PLCH1: variants seen among roughly 807,000 people sequenced by gnomAD.
PLCH1 encodes the protein phospholipase C eta 1, also known as 1-phosphatidylinositol 4,5-bisphosphate phosphodiesterase eta-1.
A neutral mutation model predicts 126.7 loss-of-function variants in PLCH1; 60 were observed. That is an observed-to-expected ratio of 0.47 (90% CI 0.38 to 0.59). The LOEUF (loss-of-function observed/expected upper bound fraction) is 0.59, where lower values mean the gene tolerates loss of function less well. Ranked by LOEUF, PLCH1 falls within the 20% of genes least tolerant of loss-of-function variation. PLCH1 has a pLI of 0.00. For missense variants in PLCH1, 1,723 were observed against 2,040.0 expected (o/e 0.84, Z 2.99); for synonymous variants, 719 against 734.9 (o/e 0.98, Z 0.35).
chr3:155,513,370 C>G (rs1384169199), intron 12 of PLCH1, among the ~76,000 whole-genome samples: 1 of 152,224 alleles, frequency 6.6e-6, no homozygotes. Flanking sequence ...ATTAGGATCT[C>G]TTCAGTGAAA....
intron 6 of PLCH1, 54 bp downstream of exon 6, chr3:155,583,418 A>G (rs1730957823): frequency 2.9e-6 from 4 of 1,380,628 alleles, no homozygotes; most frequent in African/African-American, 1.5e-5. Flanking sequence ...AAAGAAAGAC[A>G]TATCTTTCAT....
In PLCH1 at chr3:155,497,321, G is replaced by C. The variant is rs539311989; in HGVS notation, c.1893C>G (p.Asp631Glu). The C allele has an allele frequency of 1.3e-6, 2 of 1,589,418 alleles. No homozygotes were observed. Among genetic ancestry groups the C allele is most frequent in the South Asian group, 1.1e-5 (1 of 90,468 alleles). ...AATGAGAAAACTCTCCATCCTTACC[G>C]TCATCCACAATGTCCTGAGCGGCCA... ...NSVAAQDIVD[D>E]GTTGNVLSFS... Residue 631 changes from aspartate (D) to glutamate (E), a missense_variant and splice_region_variant, in exon 15 of 23, where the codon GAC becomes GAG. Asp to Glu is a conservative substitution (Grantham distance 45). Transcript: ENST00000460012.
intron 12 of PLCH1, 117 bp downstream of exon 12, chr3:155,514,606 G>T: frequency 1.5e-6 from 1 of 646,822 alleles, no homozygotes; most frequent in Non-Finnish European, 2.4e-6. Context: ...CATTTCTCAA[G>T]CAAAATGAGG....
In PLCH1 at chr3:155,563,759, C is replaced by T. The variant is rs543911705; in HGVS notation, c.1069+1156G>A. On this transcript the variant is annotated intron_variant, in intron 8 of 22. Coordinates refer to ENST00000460012, the MANE Select transcript of PLCH1 (RefSeq NM_014996.4). The stretch of plus-strand genomic sequence containing the variant: ...TTCACTGGCCCCTCATTACCAAAAA[C>T]TAAAATGAAATTCCTCACCATAGCA... Among the ~76,000 whole-genome samples the T allele has an allele frequency of 5.3e-5, 8 of 152,206 alleles. No individual in the cohort carries two copies. The South Asian group carries it at 1.7e-3, about 32-fold the overall frequency.
chr3:155,577,372 T>C (rs1730116107), intron 6 of PLCH1, among the ~76,000 whole-genome samples: 1 of 152,178 alleles, frequency 6.6e-6, no homozygotes, highest in Admixed American at 6.6e-5. Context: ...GTTTTACTCA[T>C]TTTTCCATTG....
chr3:155,491,773 T>C (rs186074618), intron 18 of PLCH1, among the ~76,000 whole-genome samples: 140 of 152,200 alleles, frequency 9.2e-4, no homozygotes, highest in African/African-American at 3.2e-3. Context: ...ACTGGGAAGG[T>C]GGACAGGAGC....
At position 155,480,907 on chromosome 3, in the gene PLCH1, C is replaced by G; in HGVS notation, c.*61G>C. 1 of 1,356,982 alleles carries G rather than the reference C, an allele frequency of 7.4e-7. No homozygotes were observed. Among genetic ancestry groups the G allele is most frequent in the Non-Finnish European group, 1.0e-6 (1 of 999,634 alleles). 84.1% of individuals were successfully genotyped at this position (1,356,982 alleles called of 1,614,324 possible). On this transcript the variant is annotated 3_prime_UTR_variant, in exon 23 of 23. Transcript: ENST00000460012. The stretch of plus-strand genomic sequence containing the variant: ...ATTCCAAAGCCAAGGAACTTATTTA[C>G]TGAAAACTCTGACATTCTACAGAAT...
At chr3:155,487,583 G>T (rs925412629) in intron 21 of PLCH1, among the ~76,000 whole-genome samples, 22 of 152,142 alleles carry the variant, frequency 1.4e-4, no homozygotes, top group Non-Finnish European at 2.5e-4. Context: ...TAAAAACATT[G>T]GTACCAAATG....
intron 19 of PLCH1, among the ~76,000 whole-genome samples, 173 bp from the exon 20 acceptor site, chr3:155,488,979 C>G (rs917045795): frequency 6.6e-6 from 1 of 152,158 alleles, no homozygotes; most frequent in Non-Finnish European, 1.5e-5. Context: ...TCGAAATTTA[C>G]CCCCTTGCTA....
At chr3:155,469,333 A>G (rs1393031764) in intron 21 of PLCH1, among the ~76,000 whole-genome samples, 1 of 152,202 alleles carries the variant, frequency 6.6e-6, no homozygotes, top group Non-Finnish European at 1.5e-5. Context: ...CTGGAAAATC[A>G]GGTCACTCCC....
At chr3:155,477,480 A>G (rs1385861313), downstream of PLCH1, among the ~76,000 whole-genome samples, 1 of 152,020 alleles carries the variant, frequency 6.6e-6, no homozygotes, top group African/African-American at 2.4e-5. Context: ...GGGAGAAAAT[A>G]TTTGCAAATG....
At chr3:155,468,972 C>T (rs577804876) in intron 21 of PLCH1, among the ~76,000 whole-genome samples, 1 of 152,314 alleles carries the variant, frequency 6.6e-6, no homozygotes, top group East Asian at 1.9e-4. Context: ...AATCCACATT[C>T]TTTTCCTTAG....
chr3:155,743,527 G>T (rs1357334443), intron 1 of PLCH1: 1 of 450,684 alleles, frequency 2.2e-6, no homozygotes, highest in Admixed American at 2.4e-5. Context: ...GCCAGACTCC[G>T]TCTCAAAAAA....
intron 1 of PLCH1, among the ~76,000 whole-genome samples, chr3:155,736,578 C>T (rs1749190532): frequency 6.6e-6 from 1 of 152,176 alleles, no homozygotes; most frequent in South Asian, 2.1e-4. Context: ...GTCTGATTCC[C>T]ACCGGTCCCC....
chr3:155,578,396 C>A (rs1730243335), intron 6 of PLCH1, among the ~76,000 whole-genome samples: 2 of 152,134 alleles, frequency 1.3e-5, no homozygotes, highest in African/African-American at 4.8e-5. Flanking sequence ...TCTGTTATTT[C>A]TAAAACATAT....
At chr3:155,561,657 G>A (rs2108499387) in intron 8 of PLCH1, among the ~76,000 whole-genome samples, 1 of 152,172 alleles carries the variant, frequency 6.6e-6, no homozygotes, top group African/African-American at 2.4e-5. Context: ...CCAGTAATGG[G>A]ATGGCTGGGT....
chr3:155,685,991 T>C lies in PLCH1; in HGVS notation c.79+18155A>G, dbSNP rs538071940. On this transcript the variant is annotated intron_variant, in intron 2 of 22. Coordinates refer to ENST00000460012, the MANE Select transcript of PLCH1 (RefSeq NM_014996.4). ...TGTAGAGACCAGTTGAAAAAACATC[T>C]TTCAGAAACCAAGGACATTAAAGGG... 6.0e-4 allele frequency among the ~76,000 whole-genome samples: 91 copies of C among 152,310 alleles called. 3 individuals are homozygous for C. In the South Asian group the frequency reaches 0.018, roughly 30 times the overall value.
intron 1 of PLCH1, among the ~76,000 whole-genome samples, chr3:155,726,948 C>T (rs1748382553): frequency 6.6e-6 from 1 of 150,836 alleles, no homozygotes; most frequent in Non-Finnish European, 1.5e-5. Context: ...TCTCGAACTC[C>T]TGACACTGTA....
At chr3:155,695,047 A>G (rs1290460503) in intron 2 of PLCH1, among the ~76,000 whole-genome samples, 1 of 150,346 alleles carries the variant, frequency 6.7e-6, no homozygotes, top group Non-Finnish European at 1.5e-5. Flanking sequence ...GGAGATTTTC[A>G]GACACAAGCA....
Sources: gnomAD v4.1 joint callset for allele counts (sites outside exome capture counted in the v4.1 genomes callset) on GRCh38, gnomAD v4.1.1 for gene constraint, MANE v1.5 for transcripts, NCBI Gene and HGNC (gene_info 2026-07-23, HGNC 2026-07-21) for gene names.